TNFSF4: variants seen among roughly 807,000 people sequenced by gnomAD.
The protein encoded by TNFSF4 is tumor necrosis factor ligand superfamily member 4.
Under a neutral mutation model 7.3 loss-of-function variants are expected in TNFSF4, and 4 were observed. The ratio of observed to expected loss-of-function variants is 0.55; its 90% CI spans 0.27 to 1.25. TNFSF4 has a LOEUF of 1.25. TNFSF4 is among the 50% of genes most tolerant of loss of function. TNFSF4 has a pLI of 0.12. For synonymous variants in TNFSF4, 76 were observed against 83.7 expected, an observed-to-expected ratio of 0.91 and a Z score of 0.50; for missense variants, 181 against 208.8, an observed-to-expected ratio of 0.87 and a Z score of 0.82.
the TNFSF4 span, among the ~76,000 whole-genome samples, chr1:173,213,423 A>G: frequency 1.3e-5 from 2 of 152,332 alleles, no homozygotes; most frequent in South Asian, 4.1e-4. Context: ...GATGTGCCAC[A>G]CCATTATAGA....
chr1:173,244,591 G>A, the TNFSF4 span, among the ~76,000 whole-genome samples: 9 of 141,984 alleles, frequency 6.3e-5, no homozygotes, highest in Non-Finnish European at 1.2e-4. Context: ...GCAGTGAGCC[G>A]AGATCCCGCC....
At chr1:173,377,189 T>C in the TNFSF4 span, among the ~76,000 whole-genome samples, 1 of 152,208 alleles carries the variant, frequency 6.6e-6, no homozygotes, top group African/African-American at 2.4e-5. Context: ...CAACCACAAA[T>C]GTACAATCAC....
the TNFSF4 span, among the ~76,000 whole-genome samples, chr1:173,276,886 A>G: frequency 3.5e-4 from 53 of 152,138 alleles, no homozygotes; most frequent in Non-Finnish European, 6.0e-4. Flanking sequence ...CTCAATGTAC[A>G]TATGATATCT....
At chr1:173,259,844 G>A in the TNFSF4 span, among the ~76,000 whole-genome samples, 1 of 152,132 alleles carries the variant, frequency 6.6e-6, no homozygotes, top group Non-Finnish European at 1.5e-5. Flanking sequence ...AGGGGATTAT[G>A]TAAAAAGACC....
At chr1:173,419,907 G>A in the TNFSF4 span, among the ~76,000 whole-genome samples, 1 of 151,560 alleles carries the variant, frequency 6.6e-6, no homozygotes, top group Non-Finnish European at 1.5e-5. Context: ...TTGTGTGGCG[G>A]GGGGGGGGAT....
the TNFSF4 span, among the ~76,000 whole-genome samples, chr1:173,313,134 G>A: frequency 2.5e-3 from 380 of 152,118 alleles, 2 homozygotes; most frequent in African/African-American, 7.9e-3. Flanking sequence ...CCAATGTCAG[G>A]ATTCGGGGAG....
chr1:173,415,631 T>C, the TNFSF4 span, among the ~76,000 whole-genome samples: 1 of 152,198 alleles, frequency 6.6e-6, no homozygotes, highest in Non-Finnish European at 1.5e-5. Context: ...ACTTTGGTGT[T>C]CTCAGCTCTG....
At chr1:173,331,229 T>G in the TNFSF4 span, among the ~76,000 whole-genome samples, 10 of 152,198 alleles carry the variant, frequency 6.6e-5, no homozygotes, top group African/African-American at 2.2e-4. Context: ...ATGTATAGTC[T>G]CAGAATGTTG....
chr1:173,427,630 G>A, the TNFSF4 span, among the ~76,000 whole-genome samples: 1 of 152,142 alleles, frequency 6.6e-6, no homozygotes, highest in East Asian at 1.9e-4. Flanking sequence ...AGTCTCTAGA[G>A]TCAACTATAA....
the TNFSF4 span, among the ~76,000 whole-genome samples, chr1:173,359,615 T>C: frequency 3.3e-5 from 5 of 152,168 alleles, no homozygotes; most frequent in East Asian, 9.6e-4. Context: ...ATTGGCATAT[T>C]GGATTACACT....
the TNFSF4 span, among the ~76,000 whole-genome samples, chr1:173,396,992 G>A: frequency 1.3e-5 from 2 of 152,136 alleles, no homozygotes; most frequent in African/African-American, 4.8e-5. Flanking sequence ...AGTGGCAGGG[G>A]CCAAGCAGCA....
the TNFSF4 span, among the ~76,000 whole-genome samples, chr1:173,175,793 G>T: frequency 7.2e-5 from 11 of 152,318 alleles, no homozygotes; most frequent in Admixed American, 5.2e-4. Flanking sequence ...TCTAGACTAA[G>T]CTTGGGACCC....
chr1:173,312,348 T>C, the TNFSF4 span, among the ~76,000 whole-genome samples: 1 of 152,136 alleles, frequency 6.6e-6, no homozygotes, highest in Admixed American at 6.6e-5. Context: ...TTTTTACTCA[T>C]ACAACTGCCT....
the TNFSF4 span, among the ~76,000 whole-genome samples, chr1:173,324,783 G>C: frequency 8.6e-3 from 1,312 of 152,276 alleles, 11 homozygotes; most frequent in Non-Finnish European, 0.012. Context: ...TTACATAATG[G>C]TAAAGGGATC....
the TNFSF4 span, among the ~76,000 whole-genome samples, chr1:173,420,543 CT>C: frequency 0.2 from 30,753 of 151,472 alleles, 4,592 homozygotes; most frequent in African/African-American, 0.42. Flanking sequence ...CAGTAAAGGC[CT>C]TTTTTTTTCC....
At chr1:173,212,446 C>T in the TNFSF4 span, among the ~76,000 whole-genome samples, 1 of 152,054 alleles carries the variant, frequency 6.6e-6, no homozygotes, top group Non-Finnish European at 1.5e-5. Flanking sequence ...GGAAGCCTCA[C>T]CCGGATTTCC....
At chr1:173,175,350 A>C in the TNFSF4 span, 1 of 152,230 alleles carries the variant, frequency 6.6e-6, no homozygotes, top group Non-Finnish European at 1.5e-5. Context: ...TCCCCAGAAC[A>C]CCTAACACAG....
chr1:173,316,270 A>T, the TNFSF4 span, among the ~76,000 whole-genome samples: 6 of 152,286 alleles, frequency 3.9e-5, no homozygotes, highest in Admixed American at 3.9e-4. Context: ...TAATCATCTG[A>T]CTGTAGATAT....
chr1:173,219,117 TTGTTTTAAGGCTGTAGTAGCTGA>T, the TNFSF4 span, among the ~76,000 whole-genome samples: 2 of 152,184 alleles, frequency 1.3e-5, no homozygotes, highest in African/African-American at 4.8e-5. Flanking sequence ...GACACCTACT[TTGTTTTAAGGCTGTAGTAGCTGA>T]TACAGCATCT....
Sources: allele counts gnomAD v4.1 joint callset (sites outside exome capture counted in the v4.1 genomes callset), GRCh38; gene constraint gnomAD v4.1.1; transcripts MANE v1.5; gene names NCBI Gene and HGNC (gene_info 2026-07-23, HGNC 2026-07-21).